The following IP6K3 variants were observed in gnomAD, a reference collection of about 807,000 sequenced individuals.
IP6K3 encodes the protein ATP:1D-myo-inositol-hexakisphosphate phosphotransferase.
A neutral mutation model predicts 28.8 loss-of-function variants in IP6K3; 20 were observed. That is an observed-to-expected ratio of 0.70 (90% CI 0.49 to 1.01). IP6K3 has a LOEUF of 1.01. IP6K3 is among the 50% of genes least tolerant of loss of function. The pLI is 0.00. For synonymous variants in IP6K3, 213 were observed against 221.3 expected, an observed-to-expected ratio of 0.96 and a Z score of 0.33; for missense variants, 480 against 537.1, an observed-to-expected ratio of 0.89 and a Z score of 1.05.
chr6:33,743,978 A>G (rs1766819181), intron 1 of IP6K3, among the ~76,000 whole-genome samples: 1 of 151,980 alleles, frequency 6.6e-6, no homozygotes, highest in African/African-American at 2.4e-5. Flanking sequence ...TGACAAATGT[A>G]CTTAGCAGCA....
At chr6:33,759,013 T>G in the IP6K3 span, among the ~76,000 whole-genome samples, 4 of 152,226 alleles carry the variant, frequency 2.6e-5, no homozygotes, top group Non-Finnish European at 5.9e-5. Flanking sequence ...TAATAAAAAC[T>G]GTAGTGTAAG....
intron 2 of IP6K3, among the ~76,000 whole-genome samples, chr6:33,731,692 G>C (rs767122225): frequency 5.9e-5 from 9 of 151,928 alleles, no homozygotes; most frequent in Non-Finnish European, 1.2e-4. Context: ...CTTAAAAACA[G>C]TCTCCAGTTG....
At chr6:33,760,580 A>T in the IP6K3 span, among the ~76,000 whole-genome samples, 9 of 152,116 alleles carry the variant, frequency 5.9e-5, no homozygotes, top group East Asian at 1.7e-3. Context: ...CAGGCTGGAG[A>T]GCAGTGGTGC....
chr6:33,733,507 C>G (rs1318968938), intron 2 of IP6K3, among the ~76,000 whole-genome samples: 3 of 152,286 alleles, frequency 2.0e-5, no homozygotes, highest in Admixed American at 6.5e-5. Flanking sequence ...CGGCATCCAT[C>G]TCAGCCCCAG....
rs1766750767 is a variant in IP6K3 at position 33,742,206 on chromosome 6, C to T, written c.-180+4552G>A. Reference sequence around the variant, plus strand: ...ATCAGGCACCAATGCTGGGACTCGGCCGTGATGAGTCTGTCTCACTCTGAA... The same window carrying T: ...ATCAGGCACCAATGCTGGGACTCGGTCGTGATGAGTCTGTCTCACTCTGAA... On this transcript the variant is annotated intron_variant, in intron 1 of 5. Transcript: ENST00000293756. This position sits in a 1 kb window ranked among gnomAD's most constrained non-coding sequence, Gnocchi z 4.5. Among the ~76,000 whole-genome samples, 1 of 152,122 alleles carries T rather than the reference C, an allele frequency of 6.6e-6. No individual in the cohort carries two copies. The highest frequency in any genetic ancestry group is 1.5e-5 in the Non-Finnish European group (1 of 68,026).
At chr6:33,757,975 A>G in the IP6K3 span, among the ~76,000 whole-genome samples, 1 of 152,220 alleles carries the variant, frequency 6.6e-6, no homozygotes, top group Non-Finnish European at 1.5e-5. Context: ...CCCTCCACCA[A>G]AATGAGGACA....
the IP6K3 span, among the ~76,000 whole-genome samples, chr6:33,754,651 G>A: frequency 4.6e-5 from 7 of 152,110 alleles, no homozygotes; most frequent in Admixed American, 4.6e-4. Flanking sequence ...TTGGTGGTCA[G>A]GGAATTTGTT....
At chr6:33,737,249 G>A (rs957289467) in intron 1 of IP6K3, among the ~76,000 whole-genome samples, 2 of 152,182 alleles carry the variant, frequency 1.3e-5, no homozygotes, top group African/African-American at 4.8e-5. Flanking sequence ...AGGAGAGTGC[G>A]AAGGAGACAC....
At position 33,722,861 on chromosome 6, in the gene IP6K3, G is replaced by A; in HGVS notation, c.1092C>T (p.Asp364=). 6.2e-7 allele frequency: 1 copy of A among 1,613,966 alleles called. No individual in the cohort carries two copies. Among genetic ancestry groups the A allele is most frequent in the Non-Finnish European group, 8.5e-7 (1 of 1,179,918 alleles). The change falls in exon 6 of 6, where the codon GAC becomes GAT. Residue 364 remains aspartate (D), a synonymous_variant. Transcript: ENST00000293756. The part of the protein sequence containing the change: ...GSSPGGLTKV[D]IRMIDFAHTT... ...TATGAGCAAAGTCAATCATGCGGAT[G>A]TCAACCTTGGTGAGACCACCGGGAG... is the stretch of plus-strand genomic sequence containing the variant.
intron 2 of IP6K3, among the ~76,000 whole-genome samples, chr6:33,729,720 CT>C (rs1342716817): frequency 4.8e-4 from 71 of 146,928 alleles, no homozygotes; most frequent in Admixed American, 6.8e-4. Flanking sequence ...TTCTTTCTTT[CT>C]TTTTTTTTTT....
At chr6:33,730,179 C>T (rs1766267776) in intron 2 of IP6K3, among the ~76,000 whole-genome samples, 1 of 152,200 alleles carries the variant, frequency 6.6e-6, no homozygotes, top group African/African-American at 2.4e-5. Context: ...GTGGCAATTT[C>T]TGCTGAGCCA....
upstream of IP6K3, among the ~76,000 whole-genome samples, chr6:33,747,979 G>C (rs1041917417): frequency 6.6e-6 from 1 of 152,100 alleles, no homozygotes; most frequent in Non-Finnish European, 1.5e-5. This position sits in a 1 kb window ranked among gnomAD's most constrained non-coding sequence, Gnocchi z 5.2. Context: ...GCAAAGGACA[G>C]GGTTCATCAG....
chr6:33,733,173 A>T (rs1336004921), intron 2 of IP6K3, among the ~76,000 whole-genome samples: 1 of 152,244 alleles, frequency 6.6e-6, no homozygotes, highest in Non-Finnish European at 1.5e-5. Context: ...TAGAAACATC[A>T]TCTCCTGTGT....
In IP6K3 at chr6:33,725,558, C is replaced by G; in HGVS notation, c.648G>C (p.Leu216=). The G allele has an allele frequency of 1.2e-6, 2 of 1,614,234 alleles. No homozygotes were observed. The highest frequency in any genetic ancestry group is 1.7e-6 in the Non-Finnish European group (2 of 1,180,034). The change falls in exon 5 of 6, where the codon CTG becomes CTC. Residue 216 remains leucine (L), a synonymous_variant. Transcript: ENST00000293756. The part of the protein sequence containing the change: ...SQYTHPCVLD[L]KMGTRQHGDD... ...CGCCGTGCTGCCGGGTCCCCATCTT[C>G]AGATCCAGGACACAGGGATGCGTGT... is the stretch of plus-strand genomic sequence containing the variant.
chr6:33,751,863 A>G (rs1230944522), upstream of IP6K3, among the ~76,000 whole-genome samples: 1 of 152,104 alleles, frequency 6.6e-6, no homozygotes, highest in Non-Finnish European at 1.5e-5. The surrounding 1 kb of genome is among the most constrained non-coding windows in gnomAD (Gnocchi z 4.3). Context: ...GCCCGGCGCC[A>G]TGTTTGGGCC....
intron 2 of IP6K3, among the ~76,000 whole-genome samples, chr6:33,729,587 C>A (rs1369434747): frequency 2.0e-5 from 3 of 152,360 alleles, no homozygotes; most frequent in African/African-American, 7.2e-5. Context: ...TGCTGTGTTC[C>A]TCTGTGGCCC....
upstream of IP6K3, among the ~76,000 whole-genome samples, chr6:33,751,859 C>A (rs752236523): frequency 6.6e-6 from 1 of 152,176 alleles, no homozygotes; most frequent in Non-Finnish European, 1.5e-5. This position sits in a 1 kb window ranked among gnomAD's most constrained non-coding sequence, Gnocchi z 4.3. Context: ...CCAAGCCCGG[C>A]GCCATGTTTG....
chr6:33,751,425 G>C (rs1025433255), upstream of IP6K3, among the ~76,000 whole-genome samples: 2 of 152,084 alleles, frequency 1.3e-5, no homozygotes, highest in African/African-American at 2.4e-5. The surrounding 1 kb of genome is among the most constrained non-coding windows in gnomAD (Gnocchi z 4.3). Context: ...TGGCCCCACT[G>C]ACTGGGAAGC....
At position 33,735,633 on chromosome 6, in the gene IP6K3, C is replaced by T. The variant is rs977393992; in HGVS notation, c.-157G>A. 1.1e-4 allele frequency: 165 copies of T among 1,441,862 alleles called. 1 individual carries two copies. The highest frequency in any genetic ancestry group is 1.4e-4 in the Non-Finnish European group (159 of 1,101,952). The allele number at this position is 1,441,862 out of a possible 1,614,324, so 89.3% of individuals were successfully genotyped here. On this transcript the variant is annotated 5_prime_UTR_variant, in exon 2 of 6. Coordinates refer to ENST00000293756, the MANE Select transcript of IP6K3 (RefSeq NM_054111.5). ...TGTCATAGCGCAGTTGTCCTCCTGT[C>T]TGTGGGTTCTCAGCGGGGTCCTCTG...
Sources: allele counts gnomAD v4.1 joint callset (sites outside exome capture counted in the v4.1 genomes callset), GRCh38; gene constraint gnomAD v4.1.1; non-coding constraint Gnocchi (gnomAD v3.1); transcripts MANE v1.5; gene names NCBI Gene and HGNC (gene_info 2026-07-23, HGNC 2026-07-21).